FRMD4A: variants seen among roughly 807,000 people sequenced by gnomAD.
The protein encoded by FRMD4A is FERM domain containing 4A.
In FRMD4A, 29 loss-of-function variants were observed where a neutral mutation model predicts 129.1. The observed-to-expected ratio is 0.22, with a 90% CI of 0.17 to 0.31. The LOEUF (loss-of-function observed/expected upper bound fraction) is 0.31, where lower values mean the gene tolerates loss of function less well. FRMD4A is among the 10% of genes least tolerant of loss of function. The probability of loss-of-function intolerance (pLI) is 1.00; values close to 1 mark genes in which losing one functional copy is unlikely to be tolerated. For missense variants in FRMD4A, 1,272 were observed against 1,375.8 expected (o/e 0.92, Z 1.19); for synonymous variants, 634 against 571.6 (o/e 1.11, Z -1.56).
chr10:14,276,652 G>T (rs575333978), intron 2 of FRMD4A, among the ~76,000 whole-genome samples: 119 of 152,230 alleles, frequency 7.8e-4, no homozygotes, highest in African/African-American at 2.8e-3. Flanking sequence ...CCCTACATGG[G>T]GCCCCACAGC....
intron 2 of FRMD4A, among the ~76,000 whole-genome samples, chr10:14,049,718 G>T (rs1344498247): frequency 6.6e-6 from 1 of 152,142 alleles, no homozygotes; most frequent in Non-Finnish European, 1.5e-5. Flanking sequence ...AGCCAGGCAT[G>T]GTGGCGCTCG....
intron 8 of FRMD4A, among the ~76,000 whole-genome samples, chr10:13,760,213 T>G (rs1403795210): frequency 6.6e-6 from 1 of 152,102 alleles, no homozygotes; most frequent in Non-Finnish European, 1.5e-5. Flanking sequence ...TCGTACTGCG[T>G]GCAAAACTCA....
At chr10:14,166,410 C>T (rs1238560100) in intron 2 of FRMD4A, among the ~76,000 whole-genome samples, 2 of 152,144 alleles carry the variant, frequency 1.3e-5, no homozygotes, top group African/African-American at 2.4e-5. Context: ...TGTGGAGATA[C>T]ACTGGAAGTA....
At chr10:13,888,428 G>A (rs150316775) in intron 2 of FRMD4A, among the ~76,000 whole-genome samples, 5 of 152,264 alleles carry the variant, frequency 3.3e-5, no homozygotes, top group African/African-American at 9.6e-5. Context: ...AACGGACAGC[G>A]CAGAATCAGA....
At chr10:13,752,585 CA>C (rs2091680039) in intron 8 of FRMD4A, among the ~76,000 whole-genome samples, 1 of 152,066 alleles carries the variant, frequency 6.6e-6, no homozygotes, top group Non-Finnish European at 1.5e-5. Flanking sequence ...TGCACTGGTA[CA>C]AAAACAGCAG....
intron 2 of FRMD4A, among the ~76,000 whole-genome samples, chr10:14,275,781 G>C (rs965699928): frequency 1.3e-5 from 2 of 152,162 alleles, no homozygotes; most frequent in Non-Finnish European, 2.9e-5. Flanking sequence ...GCTCACATCT[G>C]TAATCCCAGA....
intron 2 of FRMD4A, among the ~76,000 whole-genome samples, chr10:14,164,185 C>T (rs1385723173): frequency 6.6e-6 from 1 of 152,244 alleles, no homozygotes; most frequent in East Asian, 1.9e-4. Flanking sequence ...CTAGGTCTTT[C>T]GTCTACCTTC....
intron 3 of FRMD4A, among the ~76,000 whole-genome samples, chr10:13,831,958 TCTC>T (rs1446895401): frequency 2.0e-5 from 3 of 152,098 alleles, no homozygotes; most frequent in Non-Finnish European, 2.9e-5. Context: ...ACAACAGCAA[TCTC>T]CTGCTGGCAC....
chr10:13,897,309 T>C (rs1225664197), intron 2 of FRMD4A, among the ~76,000 whole-genome samples: 1 of 152,206 alleles, frequency 6.6e-6, no homozygotes, highest in African/African-American at 2.4e-5. Context: ...CTTTTTGTTA[T>C]TTCAGTGGGT....
chr10:14,111,116 T>C (rs1015277139), intron 2 of FRMD4A, among the ~76,000 whole-genome samples: 14 of 152,196 alleles, frequency 9.2e-5, no homozygotes, highest in African/African-American at 2.9e-4. Context: ...AAACAGAAAT[T>C]TTGTATCCGT....
intron 2 of FRMD4A, among the ~76,000 whole-genome samples, chr10:13,862,595 T>G (rs2094309510): frequency 6.6e-6 from 1 of 152,326 alleles, no homozygotes; most frequent in South Asian, 2.1e-4. Flanking sequence ...GCTCCGTATT[T>G]TAATGCCTCC....
chr10:13,831,641 A>G (rs1460329507), intron 3 of FRMD4A, among the ~76,000 whole-genome samples: 1 of 152,174 alleles, frequency 6.6e-6, no homozygotes, highest in Admixed American at 6.5e-5. Context: ...CCATGGAGTT[A>G]AATAAGATGG....
At chr10:13,921,637 G>A (rs2095074537) in intron 2 of FRMD4A, among the ~76,000 whole-genome samples, 1 of 152,110 alleles carries the variant, frequency 6.6e-6, no homozygotes, top group South Asian at 2.1e-4. Context: ...GCCTGTCAAA[G>A]GCTCCACCTC....
At chr10:13,883,519 G>C (rs2094571065) in intron 2 of FRMD4A, among the ~76,000 whole-genome samples, 1 of 152,074 alleles carries the variant, frequency 6.6e-6, no homozygotes, top group Non-Finnish European at 1.5e-5. Flanking sequence ...AAAAAACCAA[G>C]AAACAAAGCA....
chr10:13,998,121 T>C (rs575421041), intron 2 of FRMD4A, among the ~76,000 whole-genome samples: 1 of 152,228 alleles, frequency 6.6e-6, no homozygotes, highest in African/African-American at 2.4e-5. Context: ...AGCTTTGGAG[T>C]GGCTTCAGGT....
At chr10:13,796,378 T>A in intron 5 of FRMD4A, 118 bp downstream of exon 5, 1 of 693,226 alleles carries the variant, frequency 1.4e-6, no homozygotes, top group Admixed American at 2.0e-5. Context: ...ACAACCTTTA[T>A]CCCTGGCAAT....
intron 21 of FRMD4A, among the ~76,000 whole-genome samples, chr10:13,657,959 T>A (rs1273371660): frequency 6.6e-6 from 1 of 151,614 alleles, no homozygotes; most frequent in East Asian, 1.9e-4. Context: ...TGTGCAACAC[T>A]GTAAGACCTC....
intron 2 of FRMD4A, among the ~76,000 whole-genome samples, chr10:13,973,271 G>A (rs1204797398): frequency 6.6e-6 from 1 of 152,172 alleles, no homozygotes; most frequent in Non-Finnish European, 1.5e-5. Context: ...ATAAAAATTT[G>A]TGGTTCTCTA....
intron 2 of FRMD4A, among the ~76,000 whole-genome samples, chr10:14,271,149 C>G (rs1310636006): frequency 1.3e-5 from 2 of 152,156 alleles, no homozygotes; most frequent in Admixed American, 6.5e-5. Context: ...TCACTTATCA[C>G]CAAGGAGATG....
Sources: allele counts gnomAD v4.1 joint callset (sites outside exome capture counted in the v4.1 genomes callset), GRCh38; gene constraint gnomAD v4.1.1; transcripts MANE v1.5; gene names NCBI Gene and HGNC (gene_info 2026-07-23, HGNC 2026-07-21).